IGF1R: variants seen among roughly 807,000 people sequenced by gnomAD.
IGF1R encodes insulin like growth factor 1 receptor, also known as insulin-like growth factor 1 receptor.
A neutral mutation model predicts 144.6 loss-of-function variants in IGF1R; 44 were observed. The ratio of observed to expected loss-of-function variants is 0.30; its 90% CI spans 0.24 to 0.39. The LOEUF is 0.39. Among genes scored for constraint, IGF1R ranks in the 10% least tolerant of loss-of-function variants. The probability of loss-of-function intolerance (pLI) is 1.00; values close to 1 mark genes in which losing one functional copy is unlikely to be tolerated. For synonymous variants in IGF1R, 795 were observed against 722.8 expected (o/e 1.10, Z -1.60); for missense variants, 1,355 against 1,833.7 (o/e 0.74, Z 4.77).
intron 20 of IGF1R, among the ~76,000 whole-genome samples, chr15:98,952,372 C>T (rs917476618): frequency 2.0e-5 from 3 of 151,894 alleles, no homozygotes; most frequent in South Asian, 4.1e-4. Flanking sequence ...CTTTGAGCAG[C>T]GCAGCCACTG....
chr15:98,686,059 C>T (rs951688124), intron 1 of IGF1R, among the ~76,000 whole-genome samples: 1 of 152,218 alleles, frequency 6.6e-6, no homozygotes, highest in Non-Finnish European at 1.5e-5. Context: ...TTCCCCAAGT[C>T]TTTGGCAACC....
chr15:98,715,546 C>A (rs989289800), intron 2 of IGF1R, among the ~76,000 whole-genome samples: 5 of 152,198 alleles, frequency 3.3e-5, no homozygotes, highest in African/African-American at 1.2e-4. Flanking sequence ...CTCTGTCTTG[C>A]TTTCCTCATG....
At chr15:98,941,341 T>G (rs1171023150) in intron 18 of IGF1R, among the ~76,000 whole-genome samples, 1 of 152,204 alleles carries the variant, frequency 6.6e-6, no homozygotes, top group African/African-American at 2.4e-5. Flanking sequence ...TTCTCCCCAC[T>G]GCGCGTCACC....
chr15:98,762,250 T>C (rs1346260982), intron 2 of IGF1R, among the ~76,000 whole-genome samples: 1 of 132,582 alleles, frequency 7.5e-6, no homozygotes, highest in African/African-American at 2.8e-5. Flanking sequence ...TTTTTTTTTT[T>C]TTTTTGAGAT....
intron 2 of IGF1R, among the ~76,000 whole-genome samples, chr15:98,820,359 A>C (rs1223550508): frequency 6.6e-6 from 1 of 152,214 alleles, no homozygotes; most frequent in Non-Finnish European, 1.5e-5. Context: ...TTTTTAAGCA[A>C]TACAATTTAA....
intron 1 of IGF1R, among the ~76,000 whole-genome samples, chr15:98,696,303 A>AT (rs1233439468): frequency 2.0e-5 from 3 of 152,144 alleles, no homozygotes; most frequent in Non-Finnish European, 4.4e-5. Flanking sequence ...CGTTCAAGTA[A>AT]TTGATAAAAA....
rs34226328 is a variant in IGF1R at position 98,649,596 on chromosome 15, C to T, written c.15C>T (p.Ser5=). The T allele has an allele frequency of 5.5e-4, 878 of 1,598,454 alleles. 6 individuals carry two copies. In the African/African-American group the frequency reaches 0.011, roughly 19 times the overall value. The change falls in exon 1 of 21, where the codon TCC becomes TCT. Residue 5 remains serine (S), a synonymous_variant. Coordinates refer to ENST00000650285, the MANE Select transcript of IGF1R (RefSeq NM_000875.5). MKSG[S]GGGSPTSLWG... ...AAATAAAAGGAATGAAGTCTGGCTC[C>T]GGAGGAGGGTCCCCGACCTCGCTGT...
At chr15:98,848,800 C>T (rs2141551641) in intron 2 of IGF1R, among the ~76,000 whole-genome samples, 1 of 152,292 alleles carries the variant, frequency 6.6e-6, no homozygotes, top group South Asian at 2.1e-4. Context: ...ACAAATTTAT[C>T]ATCATACAAC....
intron 2 of IGF1R, among the ~76,000 whole-genome samples, chr15:98,717,774 C>G (rs1411566301): frequency 6.6e-6 from 1 of 152,022 alleles, no homozygotes; most frequent in African/African-American, 2.4e-5. Flanking sequence ...TTTTAAATGC[C>G]TCTGTCTGTT....
chr15:98,742,440 C>T (rs1489398372), intron 2 of IGF1R, among the ~76,000 whole-genome samples: 6 of 151,952 alleles, frequency 3.9e-5, no homozygotes, highest in Non-Finnish European at 5.9e-5. Context: ...GCAAGGTGGA[C>T]GAGGGCTGGG....
intron 11 of IGF1R, 189 bp from the exon 12 acceptor site, chr15:98,923,687 T>C (rs1445251990): frequency 1.6e-6 from 1 of 611,700 alleles, no homozygotes. Context: ...AGCAGCCCGC[T>C]CAGGGGCAGT....
chr15:98,857,983 A>G (rs1260330753), intron 2 of IGF1R, among the ~76,000 whole-genome samples: 8 of 152,220 alleles, frequency 5.3e-5, no homozygotes, highest in Admixed American at 5.2e-4. Flanking sequence ...GTTGGTGTTG[A>G]TTATTAGCAA....
intron 3 of IGF1R, among the ~76,000 whole-genome samples, 186 bp from the exon 4 acceptor site, chr15:98,896,571 T>C (rs1290559454): frequency 6.6e-6 from 1 of 152,202 alleles, no homozygotes; most frequent in Non-Finnish European, 1.5e-5. Flanking sequence ...TTGCTTGCAA[T>C]GTGAGTGGCT....
intron 5 of IGF1R, among the ~76,000 whole-genome samples, chr15:98,902,515 T>A (rs1326008711): frequency 6.6e-6 from 1 of 151,368 alleles, no homozygotes; most frequent in Non-Finnish European, 1.5e-5. Context: ...CCTCCTGGGT[T>A]CAAGCGATTC....
At chr15:98,764,274 T>G (rs2055379398) in intron 2 of IGF1R, among the ~76,000 whole-genome samples, 1 of 152,350 alleles carries the variant, frequency 6.6e-6, no homozygotes, top group African/African-American at 2.4e-5. Flanking sequence ...TAATTTATAA[T>G]GGAATGGAGT....
chr15:98,655,727 CTTTT>C (rs534783117), intron 1 of IGF1R, among the ~76,000 whole-genome samples: 1 of 141,432 alleles, frequency 7.1e-6, no homozygotes, highest in South Asian at 2.3e-4. Flanking sequence ...ATTTTTTTTT[CTTTT>C]TTTTTTTTGA....
At chr15:98,727,331 T>C (rs2054385316) in intron 2 of IGF1R, among the ~76,000 whole-genome samples, 1 of 152,228 alleles carries the variant, frequency 6.6e-6, no homozygotes, top group Admixed American at 6.5e-5. Context: ...CTGCTGGTTT[T>C]ACCATGAATT....
chr15:98,746,438 G>A (rs139690814), intron 2 of IGF1R, among the ~76,000 whole-genome samples: 1 of 152,306 alleles, frequency 6.6e-6, no homozygotes, highest in Non-Finnish European at 1.5e-5. Context: ...AACAAAAGGT[G>A]TGAGTGCATG....
chr15:98,810,385 TAAA>T (rs1293458636), intron 2 of IGF1R, among the ~76,000 whole-genome samples: 1 of 152,170 alleles, frequency 6.6e-6, no homozygotes, highest in Non-Finnish European at 1.5e-5. Flanking sequence ...CTATTTAAGG[TAAA>T]AATAATTTTA....
Sources: allele counts gnomAD v4.1 joint callset (sites outside exome capture counted in the v4.1 genomes callset), GRCh38; gene constraint gnomAD v4.1.1; transcripts MANE v1.5; gene names NCBI Gene and HGNC (gene_info 2026-07-23, HGNC 2026-07-21).